The following ESRP1 variants were observed in gnomAD, a reference collection of about 807,000 sequenced individuals.
ESRP1 encodes the protein RNA-binding motif protein 35A.
In ESRP1, 33 loss-of-function variants were observed where a neutral mutation model predicts 81.7. That is an observed-to-expected ratio of 0.40 (90% CI 0.31 to 0.54). The LOEUF is 0.54. Among genes scored for constraint, ESRP1 ranks in the 20% least tolerant of loss-of-function variants. The pLI is 0.41. For synonymous variants in ESRP1, 320 were observed against 303.3 expected, an observed-to-expected ratio of 1.06 and a Z score of -0.57; for missense variants, 672 against 833.1, an observed-to-expected ratio of 0.81 and a Z score of 2.38.
At chr8:94,660,746 AAAACAAACAAAC>A (rs146754323) in intron 4 of ESRP1, among the ~76,000 whole-genome samples, 9 of 136,804 alleles carry the variant, frequency 6.6e-5, no homozygotes, top group Non-Finnish European at 1.4e-4. Context: ...AAAAAAAACC[AAAACAAACAAAC>A]AAACAAAAAA....
chr8:94,691,334 C>T (rs1809395636), intron 13 of ESRP1, among the ~76,000 whole-genome samples: 2 of 152,154 alleles, frequency 1.3e-5, no homozygotes, highest in Non-Finnish European at 2.9e-5. Flanking sequence ...TAGTTAAAGA[C>T]CACTGCTTTA....
At chr8:94,701,894 T>C (rs748922887) in intron 15 of ESRP1, among the ~76,000 whole-genome samples, 55 of 152,158 alleles carry the variant, frequency 3.6e-4, no homozygotes, top group African/African-American at 2.2e-4. Flanking sequence ...GCCTGGGCAA[T>C]GTGGTGAGAC....
chr8:94,655,156 C>T (rs1391785503), intron 4 of ESRP1, among the ~76,000 whole-genome samples: 1 of 151,206 alleles, frequency 6.6e-6, no homozygotes, highest in Non-Finnish European at 1.5e-5. Context: ...GTGGTGCGAT[C>T]TCAGCTCATT....
At position 94,655,060 on chromosome 8, in the gene ESRP1, G is replaced by GTTT. The variant is rs139506660; in HGVS notation, c.491-7208_491-7206dup. Reference sequence around the variant, plus strand: ...TATCTGTGTCTGTGAGGTTTTTTGGGTTTTTTGTGTGTGTGTGTGTGTGTG... The same window carrying GTTT: ...TATCTGTGTCTGTGAGGTTTTTTGGGTTTTTTTTTGTGTGTGTGTGTGTGTGTG... On this transcript the variant is annotated intron_variant, in intron 4 of 15. Transcript: ENST00000433389. 1.0e-3 allele frequency among the ~76,000 whole-genome samples: 149 copies of GTTT among 146,706 alleles called. 1 individual carries two copies. Among genetic ancestry groups the GTTT allele is most frequent in the African/African-American group, 3.4e-3 (134 of 39,746 alleles).
chr8:94,642,377 T>G (rs1817650570), intron 2 of ESRP1, among the ~76,000 whole-genome samples: 1 of 152,238 alleles, frequency 6.6e-6, no homozygotes, highest in Admixed American at 6.5e-5. Flanking sequence ...TTGATTGACG[T>G]GCGGAGTTTG....
intron 15 of ESRP1, among the ~76,000 whole-genome samples, chr8:94,700,078 C>A (rs1467060162): frequency 6.6e-6 from 1 of 152,160 alleles, no homozygotes; most frequent in East Asian, 1.9e-4. Context: ...GGTTAGGCAA[C>A]TTACACAAGT....
intron 14 of ESRP1, among the ~76,000 whole-genome samples, chr8:94,694,266 C>T (rs1025672882): frequency 2.6e-5 from 4 of 152,082 alleles, no homozygotes; most frequent in African/African-American, 9.7e-5. Context: ...AATTAGGTTG[C>T]CTTACATATA....
intron 15 of ESRP1, chr8:94,705,602 T>C (rs1810037437): frequency 4.5e-6 from 1 of 221,746 alleles, no homozygotes; most frequent in Admixed American, 5.6e-5. Context: ...AATGAAATAG[T>C]CTCTCCAGAA....
intron 14 of ESRP1, 142 bp from the exon 15 acceptor site, chr8:94,696,710 T>C (rs1809619114): frequency 1.8e-6 from 1 of 569,228 alleles, no homozygotes; most frequent in Non-Finnish European, 3.0e-6. Context: ...GGTTAGTAGA[T>C]ATGTATATGG....
In ESRP1 at chr8:94,643,399, C is replaced by A; in HGVS notation, c.358C>A (p.Pro120Thr). Residue 120 changes from proline (P) to threonine (T), a missense_variant, in exon 3 of 16, where the codon CCT becomes ACT. Coordinates refer to ENST00000433389, the MANE Select transcript of ESRP1 (RefSeq NM_017697.4). ...GCTTCATGTCAGGCAAATCCTGCAT[C>A]CTGAGGCTTCCAAGAAGGTAAGAGT... ...GQLHVRQILH[P>T]EASKKNVLLP... The A allele has an allele frequency of 1.9e-6, 3 of 1,612,852 alleles. No individual in the cohort carries two copies. The East Asian group carries it at 6.7e-5, about 36-fold the overall frequency.
chr8:94,661,750 C>A (rs984902306), intron 4 of ESRP1, among the ~76,000 whole-genome samples: 1 of 152,122 alleles, frequency 6.6e-6, no homozygotes, highest in Non-Finnish European at 1.5e-5. Flanking sequence ...GACTATCCTA[C>A]AGGGCTCCAA....
intron 13 of ESRP1, among the ~76,000 whole-genome samples, chr8:94,692,311 C>T (rs1048464651): frequency 5.3e-5 from 8 of 152,046 alleles, no homozygotes. Context: ...TGTATACGTG[C>T]CTCTTCATGC....
chr8:94,658,959 T>C (rs541557516), intron 4 of ESRP1, among the ~76,000 whole-genome samples: 1 of 152,334 alleles, frequency 6.6e-6, no homozygotes, highest in East Asian at 1.9e-4. Flanking sequence ...TCTTGCTCTG[T>C]CACCCAGGCT....
intron 4 of ESRP1, among the ~76,000 whole-genome samples, chr8:94,656,554 A>G: frequency 6.6e-6 from 1 of 152,240 alleles, no homozygotes; most frequent in East Asian, 1.9e-4. Context: ...TAACATCTCT[A>G]TCACATGATT....
chr8:94,674,160 G>C, intron 11 of ESRP1, 148 bp from the exon 12 acceptor site: 1 of 794,966 alleles, frequency 1.3e-6, no homozygotes, highest in Non-Finnish European at 2.0e-6. Context: ...ATGCAAGTCA[G>C]GTTCCAGCAG....
At chr8:94,694,106 T>A (rs73695519) in intron 14 of ESRP1, among the ~76,000 whole-genome samples, 1 of 152,210 alleles carries the variant, frequency 6.6e-6, no homozygotes, top group Admixed American at 6.5e-5. Context: ...TTGCTTATTA[T>A]GGAGAAAACA....
intron 9 of ESRP1, among the ~76,000 whole-genome samples, chr8:94,665,953 T>C (rs1586204968): frequency 6.6e-6 from 1 of 152,200 alleles, no homozygotes; most frequent in East Asian, 1.9e-4. Context: ...TTTGGATGTG[T>C]ATTTACAGTA....
intron 14 of ESRP1, 23 bp downstream of exon 14, chr8:94,692,850 A>C (rs1194844105): frequency 6.2e-7 from 1 of 1,608,522 alleles, no homozygotes; most frequent in Admixed American, 1.7e-5. Context: ...AAGGAGAATA[A>C]TCCTCAGTGC....
At position 94,641,984 on chromosome 8, in the gene ESRP1, G is replaced by A. The variant is rs1177321038; in HGVS notation, c.161G>A (p.Arg54Lys). 5.6e-6 allele frequency: 9 copies of A among 1,614,008 alleles called. No individual in the cohort carries two copies. The highest frequency in any genetic ancestry group is 6.8e-6 in the Non-Finnish European group (8 of 1,179,882). Residue 54 changes from arginine (R) to lysine (K), a missense_variant, in exon 2 of 16, where the codon AGA (arginine) becomes AAA (lysine). Transcript: ENST00000433389. Reference sequence around the variant, plus strand: ...GGACAGTTGCACGAAGTGCTAGTTAGACCGGATCAGTTGGAACTGACGGAG... The same window carrying A: ...GGACAGTTGCACGAAGTGCTAGTTAAACCGGATCAGTTGGAACTGACGGAG... ...KVGQLHEVLV[R>K]PDQLELTEDC...
Sources: allele counts gnomAD v4.1 joint callset (sites outside exome capture counted in the v4.1 genomes callset), GRCh38; gene constraint gnomAD v4.1.1; transcripts MANE v1.5; gene names NCBI Gene and HGNC (gene_info 2026-07-23, HGNC 2026-07-21).